Variants in DIP2C observed in about 807,000 individuals in gnomAD.
The protein encoded by DIP2C is DIP2 acetate--CoA ligase C (putative), also known as disco-interacting protein 2 homolog C.
A neutral mutation model predicts 192.4 loss-of-function variants in DIP2C; 33 were observed. That is an observed-to-expected ratio of 0.17 (90% CI 0.13 to 0.23). DIP2C has a LOEUF of 0.23. Ranked by LOEUF, DIP2C falls within the 10% of genes least tolerant of loss-of-function variation. DIP2C has a pLI of 1.00. For missense variants in DIP2C, 1,537 were observed against 2,110.1 expected, an observed-to-expected ratio of 0.73 and a Z score of 5.32; for synonymous variants, 979 against 864.1, an observed-to-expected ratio of 1.13 and a Z score of -2.33.
chr10:415,214 T>C (rs1318872345), intron 7 of DIP2C, among the ~76,000 whole-genome samples: 1 of 152,180 alleles, frequency 6.6e-6, no homozygotes, highest in East Asian at 1.9e-4. Context: ...TGTCTGTCAC[T>C]TTATGACTGA....
chr10:333,788 G>C (rs192959791), intron 29 of DIP2C, among the ~76,000 whole-genome samples: 1 of 152,166 alleles, frequency 6.6e-6, no homozygotes, highest in Non-Finnish European at 1.5e-5. Flanking sequence ...TGTAAGTTTT[G>C]AAGTCAGAAA....
chr10:552,742 G>T (rs934165211), intron 1 of DIP2C, among the ~76,000 whole-genome samples: 43 of 152,314 alleles, frequency 2.8e-4, no homozygotes, highest in African/African-American at 9.4e-4. Context: ...CCAGCTACTC[G>T]GGAGGCTGAG....
At chr10:604,626 C>T (rs902210003) in intron 1 of DIP2C, among the ~76,000 whole-genome samples, 1 of 152,212 alleles carries the variant, frequency 6.6e-6, no homozygotes, top group South Asian at 2.1e-4. Flanking sequence ...TTAACTAGAT[C>T]TTATTACAAA....
intron 4 of DIP2C, among the ~76,000 whole-genome samples, chr10:424,768 A>G (rs2133179577): frequency 6.6e-6 from 1 of 152,342 alleles, no homozygotes; most frequent in South Asian, 2.1e-4. Context: ...GAAGGAGCAC[A>G]ACCATCTCCC....
At position 441,016 on chromosome 10, in the gene DIP2C, G is replaced by C. The variant is rs1435213750; in HGVS notation, c.269-20C>G. ...GGACGTCTGAAACGGAGAGAGCTCA[G>C]TCACTCAGTGCTCAGCTGAGGTCCC... On this transcript the variant is annotated intron_variant, in intron 3 of 36. Coordinates refer to ENST00000280886, the MANE Select transcript of DIP2C (RefSeq NM_014974.3). The C allele has an allele frequency of 6.2e-7, 1 of 1,606,956 alleles. No individual in the cohort carries two copies. The highest frequency in any genetic ancestry group is 1.1e-5 in the South Asian group (1 of 90,090).
chr10:283,496 G>A (rs761410153), intron 34 of DIP2C, 50 bp from the exon 35 acceptor site: 32 of 1,597,988 alleles, frequency 2.0e-5, no homozygotes, highest in Middle Eastern at 1.7e-4. Flanking sequence ...TTATCTCCAG[G>A]GAAATGAGAC....
At chr10:326,892 C>G (rs1957295287) in intron 31 of DIP2C, 114 bp downstream of exon 31, 2 of 1,298,184 alleles carry the variant, frequency 1.5e-6, no homozygotes, top group Non-Finnish European at 2.1e-6. Context: ...ACTGAAAGAT[C>G]TCTTCTGGAT....
intron 1 of DIP2C, among the ~76,000 whole-genome samples, chr10:488,841 C>A (rs550189540): frequency 6.6e-6 from 1 of 152,214 alleles, no homozygotes; most frequent in Non-Finnish European, 1.5e-5. Context: ...TAGAACTGTG[C>A]CCCAACCCAG....
chr10:687,888 C>T (rs934505121), intron 1 of DIP2C, among the ~76,000 whole-genome samples: 4 of 152,218 alleles, frequency 2.6e-5, no homozygotes, highest in Non-Finnish European at 5.9e-5. Context: ...AGCTCAGGGG[C>T]GCTACGCTCT....
intron 1 of DIP2C, among the ~76,000 whole-genome samples, chr10:533,090 T>A (rs921298466): frequency 3.3e-5 from 5 of 151,764 alleles, no homozygotes; most frequent in Non-Finnish European, 5.9e-5. Context: ...CCCAGCACAC[T>A]CTCACAGCTC....
chr10:672,296 C>G (rs964582372), intron 1 of DIP2C, among the ~76,000 whole-genome samples: 1 of 152,174 alleles, frequency 6.6e-6, no homozygotes, highest in Non-Finnish European at 1.5e-5. Flanking sequence ...AGGCCACACA[C>G]GCACGCATGG....
intron 34 of DIP2C, among the ~76,000 whole-genome samples, chr10:283,770 C>T (rs1954959304): frequency 6.6e-6 from 1 of 152,138 alleles, no homozygotes; most frequent in South Asian, 2.1e-4. Flanking sequence ...ACACTAGATT[C>T]CTTACACTTT....
Position 590,127 on chromosome 10 carries a change from T to C in DIP2C, c.85+99367A>G, listed in dbSNP as rs536005791. The stretch of plus-strand genomic sequence containing the variant: ...CCGGGAGTGACGTGATAAACCACAG[T>C]GAGAGGCACGGAACTGTGAAAACCG... On this transcript the variant is annotated intron_variant, in intron 1 of 36. Coordinates refer to ENST00000280886, the MANE Select transcript of DIP2C (RefSeq NM_014974.3). 2.0e-5 allele frequency among the ~76,000 whole-genome samples: 3 copies of C among 152,254 alleles called. No homozygotes were observed. In the South Asian group the frequency reaches 6.2e-4, roughly 32 times the overall value.
chr10:567,106 T>C (rs912175085), intron 1 of DIP2C, among the ~76,000 whole-genome samples: 3 of 152,186 alleles, frequency 2.0e-5, no homozygotes, highest in African/African-American at 7.2e-5. Context: ...GAATTACACG[T>C]ATCCAGGGCC....
intron 4 of DIP2C, among the ~76,000 whole-genome samples, chr10:431,046 C>A (rs984253606): frequency 2.6e-5 from 4 of 152,216 alleles, no homozygotes; most frequent in Non-Finnish European, 5.9e-5. Flanking sequence ...ACTGGGCTCT[C>A]TATTCTGTCC....
At chr10:464,182 A>G (rs1589852777) in intron 3 of DIP2C, among the ~76,000 whole-genome samples, 2 of 152,330 alleles carry the variant, frequency 1.3e-5, no homozygotes, top group South Asian at 4.1e-4. Flanking sequence ...GCACAGCAAA[A>G]TAAACTACCA....
At chr10:409,084 A>C in intron 8 of DIP2C, 67 bp from the exon 9 acceptor site, 1 of 1,541,418 alleles carries the variant, frequency 6.5e-7, no homozygotes, top group East Asian at 2.3e-5. Context: ...TCTGCAAGTC[A>C]AAGTCTAGGA....
At chr10:326,516 T>C (rs954397400) in intron 31 of DIP2C, among the ~76,000 whole-genome samples, 1 of 152,232 alleles carries the variant, frequency 6.6e-6, no homozygotes, top group Admixed American at 6.5e-5. Context: ...TCAGCCACTG[T>C]TAATGCAAGG....
chr10:495,571 A>C (rs933014656), intron 1 of DIP2C, among the ~76,000 whole-genome samples: 3 of 100,930 alleles, frequency 3.0e-5, no homozygotes, highest in Non-Finnish European at 5.2e-5. Context: ...CTCAGTGAAC[A>C]AAAAAAAAAA....
Sources: allele counts gnomAD v4.1 joint callset (sites outside exome capture counted in the v4.1 genomes callset), GRCh38; gene constraint gnomAD v4.1.1; transcripts MANE v1.5; gene names NCBI Gene and HGNC (gene_info 2026-07-23, HGNC 2026-07-21).